CBLN2: variants seen among roughly 807,000 people sequenced by gnomAD.
The protein encoded by CBLN2 is cerebellin-2.
A neutral mutation model predicts 15.0 loss-of-function variants in CBLN2; 7 were observed. The observed-to-expected ratio is 0.47, with a 90% CI of 0.27 to 0.88. The LOEUF is 0.88. CBLN2 is among the 40% of genes least tolerant of loss of function. The pLI, the probability that CBLN2 is intolerant of heterozygous loss-of-function variation, is 0.14. For missense variants in CBLN2, 242 were observed against 304.5 expected, an observed-to-expected ratio of 0.79 and a Z score of 1.53; for synonymous variants, 149 against 135.2, an observed-to-expected ratio of 1.10 and a Z score of -0.71.
rs556636363 is a variant in CBLN2, at chr18:72,550,585, C to A, written c.16-11813G>T. ...TGATATTCACACTAAATTTCCTAGA[C>A]GTTGAAGCCTAAGCAACTAGAACTA... is the stretch of plus-strand genomic sequence containing the variant. On this transcript the variant is annotated intron_variant, in intron 1 of 2. Transcript: ENST00000581073. Among the ~76,000 whole-genome samples, 9 of 152,232 alleles carry A rather than the reference C, an allele frequency of 5.9e-5. No individual in the cohort carries two copies. In the South Asian group the frequency reaches 1.9e-3, roughly 32 times the overall value.
chr18:72,553,592 A>T (rs1300603557), intron 1 of CBLN2, among the ~76,000 whole-genome samples: 2 of 152,216 alleles, frequency 1.3e-5, no homozygotes, highest in African/African-American at 4.8e-5. Flanking sequence ...TAAATAAATA[A>T]GTAGAAAATA....
intron 1 of CBLN2, among the ~76,000 whole-genome samples, chr18:72,629,059 C>A (rs927685440): frequency 6.6e-6 from 1 of 152,130 alleles, no homozygotes; most frequent in Non-Finnish European, 1.5e-5. Context: ...AACAAAATGA[C>A]CCCATTTACC....
intron 1 of CBLN2, among the ~76,000 whole-genome samples, chr18:72,566,049 C>T (rs754525259): frequency 2.2e-4 from 33 of 151,962 alleles, no homozygotes; most frequent in Non-Finnish European, 2.9e-4. Context: ...ACAAATGGTC[C>T]GCAGGTATAC....
rs1364721805 is a variant in CBLN2 at position 72,591,268 on chromosome 18, A to G, written c.15+47057T>C. On this transcript the variant is annotated intron_variant, in intron 1 of 2. Coordinates refer to the CBLN2 transcript ENST00000581073. ...ATTAATTTAAAGTGATAAATATTATATTGTGAAAAGAATAAAGGGTAAAAA... is the reference window on the plus strand; with the variant it reads ...ATTAATTTAAAGTGATAAATATTATGTTGTGAAAAGAATAAAGGGTAAAAA... Among the ~76,000 whole-genome samples, 5 of 152,216 alleles carry G rather than the reference A, an allele frequency of 3.3e-5. No homozygotes were observed. In the East Asian group the frequency reaches 7.7e-4, roughly 23 times the overall value.
intron 1 of CBLN2, among the ~76,000 whole-genome samples, chr18:72,624,642 A>T (rs1011262949): frequency 1.3e-5 from 2 of 152,178 alleles, no homozygotes; most frequent in Non-Finnish European, 2.9e-5. Flanking sequence ...TGTCTCAAAA[A>T]GAAAACCAAA....
chr18:72,546,483 A>G (rs67043262), upstream of CBLN2, among the ~76,000 whole-genome samples: 9,191 of 152,018 alleles, frequency 0.06, 909 homozygotes, highest in East Asian at 0.52. Context: ...TTGGAATTTT[A>G]GCTTGTAAAT....
At chr18:72,606,846 G>C (rs1244641274) in intron 1 of CBLN2, among the ~76,000 whole-genome samples, 3 of 152,222 alleles carry the variant, frequency 2.0e-5, no homozygotes, top group South Asian at 4.1e-4. Context: ...AGGGTCAAGA[G>C]TGGGGAGGAA....
intron 1 of CBLN2, among the ~76,000 whole-genome samples, chr18:72,616,440 A>G (rs2144961121): frequency 6.6e-6 from 1 of 152,082 alleles, no homozygotes; most frequent in South Asian, 2.1e-4. Context: ...CCAGGTCTGG[A>G]GGCTTTTGGT....
At chr18:72,600,498 CAAATA>C (rs2069540925) in intron 1 of CBLN2, among the ~76,000 whole-genome samples, 1 of 152,074 alleles carries the variant, frequency 6.6e-6, no homozygotes, top group Admixed American at 6.6e-5. Context: ...TAGTGTTTCA[CAAATA>C]AAATATTTCC....
intron 2 of CBLN2, among the ~76,000 whole-genome samples, chr18:72,542,558 G>A (rs1371482479): frequency 1.3e-5 from 2 of 152,122 alleles, no homozygotes; most frequent in African/African-American, 4.8e-5. Flanking sequence ...CTGCGACGAG[G>A]GAGGGGGCCG....
intron 1 of CBLN2, among the ~76,000 whole-genome samples, chr18:72,571,639 G>A (rs1229373254): frequency 1.3e-5 from 2 of 152,166 alleles, no homozygotes; most frequent in African/African-American, 4.8e-5. Context: ...AACTACTTGT[G>A]TCCACCACTG....
chr18:72,594,153 G>A (rs2069498217), intron 1 of CBLN2, among the ~76,000 whole-genome samples: 1 of 152,012 alleles, frequency 6.6e-6, no homozygotes, highest in African/African-American at 2.4e-5. Context: ...GCTAGGGGAG[G>A]GATAACATTA....
intron 1 of CBLN2, chr18:72,638,237 CTTG>C (rs1221206126): frequency 1.3e-5 from 5 of 398,124 alleles, no homozygotes; most frequent in African/African-American, 2.1e-5. Flanking sequence ...ATCACATCTC[CTTG>C]TTGTTCATTC....
intron 1 of CBLN2, among the ~76,000 whole-genome samples, chr18:72,615,703 T>C (rs1310846751): frequency 6.6e-6 from 1 of 152,212 alleles, no homozygotes; most frequent in East Asian, 1.9e-4. Context: ...TTTTGTTTTT[T>C]ATGATTGTCT....
At chr18:72,603,775 A>G (rs2069564657) in intron 1 of CBLN2, among the ~76,000 whole-genome samples, 1 of 152,176 alleles carries the variant, frequency 6.6e-6, no homozygotes, top group Non-Finnish European at 1.5e-5. Flanking sequence ...CATACAACCT[A>G]AACTTAATTA....
intron 1 of CBLN2, among the ~76,000 whole-genome samples, chr18:72,605,191 C>T (rs2069575380): frequency 1.3e-5 from 2 of 152,212 alleles, no homozygotes; most frequent in East Asian, 1.9e-4. Flanking sequence ...CCAACTTCCT[C>T]ATATGCACAT....
chr18:72,622,672 C>T (rs1019496309), intron 1 of CBLN2, among the ~76,000 whole-genome samples: 1 of 152,108 alleles, frequency 6.6e-6, no homozygotes, highest in Non-Finnish European at 1.5e-5. Flanking sequence ...TACCTGTGTA[C>T]ATAATCAGGG....
intron 1 of CBLN2, among the ~76,000 whole-genome samples, chr18:72,609,522 C>A (rs1274800370): frequency 6.6e-6 from 1 of 152,126 alleles, no homozygotes; most frequent in East Asian, 1.9e-4. Flanking sequence ...CAAGAAAAAA[C>A]TTTATTTCGC....
rs564824744 is a variant in CBLN2 at position 72,631,911 on chromosome 18, TATC to T, written c.15+6411_15+6413del. 2.9e-3 allele frequency among the ~76,000 whole-genome samples: 440 copies of T among 152,296 alleles called. 2 individuals are homozygous for T. Among genetic ancestry groups the T allele is most frequent in the African/African-American group, 9.4e-3 (392 of 41,578 alleles). On this transcript the variant is annotated intron_variant, in intron 1 of 2. Transcript: ENST00000581073. ...CATATGTAATTTACAGGAAATTTAA[TATC>T]ATCATCTGATCAACGATTTTGATGT...
Sources: allele counts gnomAD v4.1 joint callset (sites outside exome capture counted in the v4.1 genomes callset), GRCh38; gene constraint gnomAD v4.1.1; transcripts MANE v1.5; gene names NCBI Gene and HGNC (gene_info 2026-07-23, HGNC 2026-07-21).